Variants in VPS13C observed in about 807,000 individuals in gnomAD.
The protein encoded by VPS13C is intermembrane lipid transfer protein VPS13C.
In VPS13C, 358 loss-of-function variants were observed where a neutral mutation model predicts 456.8. That is an observed-to-expected ratio of 0.78 (90% CI 0.72 to 0.86). The LOEUF is 0.86. VPS13C is among the 40% of genes least tolerant of loss of function. The pLI, the probability that VPS13C is intolerant of heterozygous loss-of-function variation, is 0.00. For synonymous variants in VPS13C, 1,578 were observed against 1,486.7 expected, an observed-to-expected ratio of 1.06 and a Z score of -1.41; for missense variants, 4,818 against 4,385.4, an observed-to-expected ratio of 1.10 and a Z score of -2.79.
chr15:62,002,419 G>A (rs2046658821), intron 15 of VPS13C, among the ~76,000 whole-genome samples: 1 of 152,076 alleles, frequency 6.6e-6, no homozygotes, highest in Admixed American at 6.5e-5. Flanking sequence ...CTGGATATTA[G>A]TCCTTTGTTA....
intron 16 of VPS13C, among the ~76,000 whole-genome samples, chr15:61,998,931 T>C (rs562849016): frequency 6.6e-6 from 1 of 152,352 alleles, no homozygotes; most frequent in South Asian, 2.1e-4. Context: ...TCTTATAATT[T>C]TCTTAATAAC....
Position 61,947,287 on chromosome 15 carries a change from C to G in VPS13C, c.4782G>C (p.Lys1594Asn). The part of the protein sequence containing the change: ...VKAVSSNISQ[K>N]DVFDLKITAE... ...CTGTGATCTTTAAATCAAACACATC[C>G]TTTTGGGAAATGTTGCTGGATACTA... The change falls in exon 43 of 85, where the codon AAG (lysine) becomes AAC (asparagine). Residue 1594 changes from lysine to asparagine, a missense_variant. By Grantham distance (94) the Lys-to-Asn change is moderately conservative. Around this residue, in one of 3 missense-constraint regions of VPS13C, gnomAD observed 4,552 missense variants for 4,130.6 expected, o/e 1.10. Coordinates refer to ENST00000644861, the MANE Select transcript of VPS13C (RefSeq NM_020821.3). The G allele has an allele frequency of 6.2e-7, 1 of 1,608,604 alleles. No homozygotes were observed. Among genetic ancestry groups the G allele is most frequent in the Non-Finnish European group, 8.5e-7 (1 of 1,178,170 alleles).
rs554208191 is a variant in VPS13C, at chr15:61,890,604, A to G, written c.9106-204T>C. Among the ~76,000 whole-genome samples, 4 of 152,370 alleles carry G rather than the reference A, an allele frequency of 2.6e-5. No individual in the cohort carries two copies. The East Asian group carries it at 7.7e-4, about 29-fold the overall frequency. ...ATTTTCAAAAACGAAGACTAATAGT[A>G]CGTAGTTTTTTAATACCTAAGTCTG... On this transcript the variant is annotated intron_variant, in intron 66 of 84. Transcript: ENST00000644861.
chr15:61,888,649 G>T (rs767144522), intron 67 of VPS13C, among the ~76,000 whole-genome samples: 2 of 152,018 alleles, frequency 1.3e-5, no homozygotes, highest in Non-Finnish European at 2.9e-5. Context: ...TCTGAAAAAA[G>T]AAAAACTTTG....
rs1895592921 is a variant in VPS13C, at chr15:61,878,169, C to T, written c.10142+438G>A. On this transcript the variant is annotated intron_variant, in intron 74 of 84. Transcript: ENST00000644861. ...GTTTCCTCTGAAATTTAGTAGTGTA[C>T]ATGTAAGGTAAAAATGATCTACAGG... Among the ~76,000 whole-genome samples the T allele has an allele frequency of 2.0e-5, 3 of 151,500 alleles. No homozygotes were observed. The South Asian group carries it at 6.2e-4, about 32-fold the overall frequency.
At chr15:61,875,087 T>C in intron 76 of VPS13C, 136 bp from the exon 77 acceptor site, 1 of 689,654 alleles carries the variant, frequency 1.5e-6, no homozygotes, top group Non-Finnish European at 2.2e-6. Flanking sequence ...AATTTTCACT[T>C]CTACCCCAAA....
intron 21 of VPS13C, 111 bp from the exon 22 acceptor site, chr15:61,981,589 G>C: frequency 1.8e-6 from 2 of 1,124,672 alleles, no homozygotes; most frequent in Non-Finnish European, 1.2e-6. Context: ...GGTCGGGTGC[G>C]GTGGCTCACG....
intron 3 of VPS13C, among the ~76,000 whole-genome samples, chr15:62,036,255 C>A (rs1347841093): frequency 6.6e-6 from 1 of 151,948 alleles, no homozygotes; most frequent in African/African-American, 2.4e-5. Flanking sequence ...GTCACTTACA[C>A]CACCAGAATC....
intron 16 of VPS13C, among the ~76,000 whole-genome samples, chr15:61,999,419 T>C (rs1023402852): frequency 2.0e-5 from 3 of 151,916 alleles, no homozygotes; most frequent in Non-Finnish European, 4.4e-5. Flanking sequence ...AAAGTAGTTA[T>C]ACACAAATTT....
chr15:61,925,063 T>G (rs182222882), intron 53 of VPS13C, among the ~76,000 whole-genome samples: 4 of 152,284 alleles, frequency 2.6e-5, no homozygotes, highest in Admixed American at 6.5e-5. Context: ...TTAAATTCAA[T>G]CAACTTATAC....
At chr15:61,855,050 A>T (rs1893831188) in intron 83 of VPS13C, 96 bp from the exon 84 acceptor site, 1 of 974,688 alleles carries the variant, frequency 1.0e-6, no homozygotes, top group African/African-American at 1.6e-5. Flanking sequence ...ACTCTATCTT[A>T]TAACAAGTAG....
intron 64 of VPS13C, among the ~76,000 whole-genome samples, 160 bp from the exon 65 acceptor site, chr15:61,909,285 G>A (rs1013841013): frequency 5.3e-5 from 8 of 152,144 alleles, no homozygotes; most frequent in Non-Finnish European, 8.8e-5. Flanking sequence ...TCGGGTTACT[G>A]CAACCTCCAT....
intron 9 of VPS13C, among the ~76,000 whole-genome samples, chr15:62,016,927 G>C (rs1347808857): frequency 6.6e-6 from 1 of 152,156 alleles, no homozygotes; most frequent in Non-Finnish European, 1.5e-5. Flanking sequence ...ATCCTCTCCA[G>C]CACCTGTTGT....
chr15:61,927,589 G>C (rs760266075), intron 51 of VPS13C, among the ~76,000 whole-genome samples: 2 of 152,126 alleles, frequency 1.3e-5, no homozygotes, highest in African/African-American at 4.8e-5. Context: ...CTTTTACACT[G>C]TTGGCGGGAC....
intron 66 of VPS13C, among the ~76,000 whole-genome samples, chr15:61,897,318 C>T (rs2042855393): frequency 6.6e-6 from 1 of 152,012 alleles, no homozygotes; most frequent in African/African-American, 2.4e-5. Flanking sequence ...TACGGAAGGA[C>T]ATTAAAATCA....
chr15:61,904,369 C>T (rs1215415870), intron 66 of VPS13C, among the ~76,000 whole-genome samples: 1 of 149,724 alleles, frequency 6.7e-6, no homozygotes, highest in Admixed American at 6.6e-5. Context: ...CAAAAGAAGA[C>T]ATACAATGGC....
Position 62,057,775 on chromosome 15 carries a change from T to A in VPS13C, c.100+2500A>T, listed in dbSNP as rs2048848606. 2.6e-5 allele frequency among the ~76,000 whole-genome samples: 4 copies of A among 152,308 alleles called. 2 individuals are homozygous for A. The South Asian group carries it at 8.3e-4, about 32-fold the overall frequency. ...AGACAAAAGGGGAAATAACATAAAA[T>A]TACGACATTTTTAATTTCAGTTGTG... On this transcript the variant is annotated intron_variant, in intron 1 of 84. Transcript: ENST00000644861.
At chr15:61,862,656 A>G (rs368417676) in intron 82 of VPS13C, among the ~76,000 whole-genome samples, 2 of 152,190 alleles carry the variant, frequency 1.3e-5, no homozygotes, top group Non-Finnish European at 2.9e-5. Context: ...TGTTTTGTGA[A>G]TATTTTTAAC....
rs560611267 is a variant in VPS13C at position 61,958,315 on chromosome 15, T to G, written c.4165+293A>C. 9.2e-5 allele frequency among the ~76,000 whole-genome samples: 14 copies of G among 152,188 alleles called. No homozygotes were observed. In the East Asian group the frequency reaches 2.7e-3, roughly 29 times the overall value. On this transcript the variant is annotated intron_variant, in intron 37 of 84. Transcript: ENST00000644861. ...AACTCAAAATGGTTTCTTCTATACA[T>G]GCAATTTCAATGATTATTTCAAGAA... is the stretch of plus-strand genomic sequence containing the variant.
Sources: gnomAD v4.1 joint callset for allele counts (sites outside exome capture counted in the v4.1 genomes callset) on GRCh38, gnomAD v4.1.1 for gene constraint, gnomAD v4.1.1 regional missense constraint, MANE v1.5 for transcripts, NCBI Gene and HGNC (gene_info 2026-07-23, HGNC 2026-07-21) for gene names.